Variants in INSIG2 observed in about 807,000 individuals in gnomAD.
The protein encoded by INSIG2 is insulin-induced gene 2 protein.
INSIG2 carries 10 observed loss-of-function variants against 27.2 expected under a neutral mutation model. The observed-to-expected ratio is 0.37, with a 90% CI of 0.23 to 0.62. The LOEUF (loss-of-function observed/expected upper bound fraction) is 0.62. Ranked by LOEUF, INSIG2 falls within the 20% of genes least tolerant of loss-of-function variation. The pLI is 0.65. For synonymous variants in INSIG2, 97 were observed against 95.8 expected (o/e 1.01, Z -0.07); for missense variants, 178 against 270.2 (o/e 0.66, Z 2.39).
chr2:118,108,403 CTG>C lies in INSIG2; in HGVS notation c.*83_*84del. The stretch of plus-strand genomic sequence containing the variant: ...GTAGATATACCAACAAAACTTCAGA[CTG>C]TAAAATTGCCAGGATGCAGTTTTCC... On this transcript the variant is annotated 3_prime_UTR_variant, in exon 6 of 6. Coordinates refer to ENST00000245787, the MANE Select transcript of INSIG2 (RefSeq NM_016133.4). 1 of 1,086,466 alleles carries C rather than the reference CTG, an allele frequency of 9.2e-7. No individual in the cohort carries two copies. The highest frequency in any genetic ancestry group is 1.4e-5 in the South Asian group (1 of 72,568). 67.3% of individuals were successfully genotyped at this position (1,086,466 alleles called of 1,614,324 possible).
intron 3 of INSIG2, among the ~76,000 whole-genome samples, chr2:118,105,546 A>G (rs1304809015): frequency 6.6e-6 from 1 of 152,222 alleles, no homozygotes; most frequent in Non-Finnish European, 1.5e-5. Flanking sequence ...TAACAATAAG[A>G]AAAGCTTTTC....
intron 3 of INSIG2, among the ~76,000 whole-genome samples, chr2:118,104,060 T>C (rs1300768238): frequency 6.6e-6 from 1 of 152,192 alleles, no homozygotes; most frequent in East Asian, 1.9e-4. Context: ...TTGCTCTGAC[T>C]TTCCTTGGTA....
chr2:118,109,395 C>G lies in INSIG2; in HGVS notation c.*1073C>G, dbSNP rs919572198. 6.6e-6 allele frequency: 1 copy of G among 151,914 alleles called. No individual in the cohort carries two copies. The highest frequency in any genetic ancestry group is 2.4e-5 in the African/African-American group (1 of 41,308). The allele number at this position is 151,914 out of a possible 1,614,324, so 9.4% of individuals were successfully genotyped here. ...ATGAATACATAATTTCTCATGTATT[C>G]GTGTATCCATTAGTGAATAGTTCAA... On this transcript the variant is annotated 3_prime_UTR_variant, in exon 6 of 6. Transcript: ENST00000245787.
intron 2 of INSIG2, among the ~76,000 whole-genome samples, chr2:118,097,065 C>G (rs1188656033): frequency 6.6e-6 from 1 of 152,146 alleles, no homozygotes; most frequent in Non-Finnish European, 1.5e-5. Flanking sequence ...TTCCCCACCC[C>G]CAGCCTCAGG....
intron 1 of INSIG2, among the ~76,000 whole-genome samples, chr2:118,094,813 CG>C (rs1678369480): frequency 1.3e-5 from 2 of 152,106 alleles, no homozygotes; most frequent in Admixed American, 1.3e-4. Context: ...CCATTCTCTG[CG>C]GTTTACATGA....
intron 1 of INSIG2, among the ~76,000 whole-genome samples, chr2:118,096,105 A>G (rs1417420210): frequency 6.6e-6 from 1 of 152,148 alleles, no homozygotes; most frequent in Non-Finnish European, 1.5e-5. Flanking sequence ...GAAGTGTCAG[A>G]TTACCTGTTC....
intron 2 of INSIG2, among the ~76,000 whole-genome samples, chr2:118,099,784 G>A (rs2009745): frequency 0.53 from 80,921 of 151,976 alleles, 21,750 homozygotes; most frequent in Middle Eastern, 0.6. Context: ...TTTCTCTCCC[G>A]TTCTACATCC....
chr2:118,094,164 AGAT>A (rs1182898795), intron 1 of INSIG2, among the ~76,000 whole-genome samples: 1 of 134,944 alleles, frequency 7.4e-6, no homozygotes, highest in African/African-American at 2.9e-5. Flanking sequence ...AAAAGCAACC[AGAT>A]GATGATGATG....
rs1303533772 is a variant in INSIG2, at chr2:118,110,387, G to A, written c.*2065G>A. 1.3e-5 allele frequency: 2 copies of A among 152,198 alleles called. No individual in the cohort carries two copies. The highest frequency in any genetic ancestry group is 2.9e-5 in the Non-Finnish European group (2 of 68,040). 9.4% of individuals were successfully genotyped at this position (152,198 alleles called of 1,614,324 possible). ...GTTTACTCTTCATTCAGTGGAAGTG[G>A]ACCATCCTAAAAGTCTTCACTCATG... On this transcript the variant is annotated 3_prime_UTR_variant, in exon 6 of 6. Transcript: ENST00000245787.
intron 2 of INSIG2, 116 bp from the exon 3 acceptor site, chr2:118,103,081 T>G (rs989025152): frequency 3.0e-4 from 165 of 552,668 alleles, no homozygotes; most frequent in Middle Eastern, 1.3e-3. Context: ...TTTTTTTTTG[T>G]TTTTTTTTTT....
Position 118,093,296 on chromosome 2 carries a change from AT to A in INSIG2, c.-138-3122del, listed in dbSNP as rs1484379621. 7.5e-3 allele frequency among the ~76,000 whole-genome samples: 507 copies of A among 67,196 alleles called. 14 individuals are homozygous for A. Among genetic ancestry groups the A allele is most frequent in the East Asian group, 0.014 (28 of 1,982 alleles). 44.1% of individuals were successfully genotyped at this position (67,196 alleles called of 152,430 possible). ...CCTTGCTGAAAGCAACCAGATGATGATGATGAGGAGGAGGAGGAGGAGGAGG... is the reference window on the plus strand; with the variant it reads ...CCTTGCTGAAAGCAACCAGATGATGAGATGAGGAGGAGGAGGAGGAGGAGG... On this transcript the variant is annotated intron_variant, in intron 1 of 5. Coordinates refer to ENST00000245787, the MANE Select transcript of INSIG2 (RefSeq NM_016133.4).
intron 1 of INSIG2, among the ~76,000 whole-genome samples, chr2:118,093,688 GAGAGT>G (rs1678323448): frequency 3.9e-5 from 5 of 127,038 alleles, no homozygotes; most frequent in Admixed American, 8.1e-5. Context: ...GGAGGAGGAG[GAGAGT>G]TCTGTAGCTA....
intron 3 of INSIG2, chr2:118,106,521 A>G (rs1438943130): frequency 1.9e-5 from 9 of 477,468 alleles, no homozygotes; most frequent in African/African-American, 3.9e-5. Context: ...AGTTGGTAGG[A>G]TCTATTGATT....
At chr2:118,100,282 C>A (rs1031501940) in intron 2 of INSIG2, among the ~76,000 whole-genome samples, 4 of 152,064 alleles carry the variant, frequency 2.6e-5, no homozygotes, top group African/African-American at 9.7e-5. Flanking sequence ...AGCCTGGGAC[C>A]CCTCTGTCCT....
intron 2 of INSIG2, among the ~76,000 whole-genome samples, chr2:118,098,226 A>G (rs1573572409): frequency 1.3e-5 from 2 of 152,188 alleles, no homozygotes; most frequent in Non-Finnish European, 2.9e-5. Context: ...GGCTGCCAGT[A>G]GAAGCTTTTT....
intron 1 of INSIG2, among the ~76,000 whole-genome samples, chr2:118,095,445 G>A (rs1187076014): frequency 6.6e-6 from 1 of 152,040 alleles, no homozygotes; most frequent in Admixed American, 6.6e-5. Context: ...TTGCTTTTTT[G>A]CGTCACCTAT....
intron 2 of INSIG2, among the ~76,000 whole-genome samples, chr2:118,102,111 T>C (rs1264568685): frequency 1.3e-5 from 2 of 152,252 alleles, no homozygotes; most frequent in East Asian, 3.9e-4. Context: ...GGCGTTGTAA[T>C]TTCATGATTC....
At chr2:118,089,966 A>G (rs1346331029) in intron 1 of INSIG2, among the ~76,000 whole-genome samples, 1 of 152,162 alleles carries the variant, frequency 6.6e-6, no homozygotes, top group African/African-American at 2.4e-5. Context: ...TGTTGAGAGG[A>G]AAGAGTTGCA....
chr2:118,100,379 T>G (rs968594814), intron 2 of INSIG2, among the ~76,000 whole-genome samples: 1 of 134,894 alleles, frequency 7.4e-6, no homozygotes, highest in African/African-American at 2.8e-5. Flanking sequence ...TTGCCTTTTT[T>G]TTTTTTTTTT....
Sources: allele counts gnomAD v4.1 joint callset (sites outside exome capture counted in the v4.1 genomes callset), GRCh38; gene constraint gnomAD v4.1.1; transcripts MANE v1.5; gene names NCBI Gene and HGNC (gene_info 2026-07-23, HGNC 2026-07-21).